Variants in CACNA2D3 observed in about 807,000 individuals in gnomAD.
CACNA2D3 encodes calcium voltage-gated channel auxiliary subunit alpha2delta 3, also known as voltage-dependent calcium channel subunit alpha-2/delta-3.
A neutral mutation model predicts 160.6 loss-of-function variants in CACNA2D3; 60 were observed. The ratio of observed to expected loss-of-function variants is 0.37; its 90% CI spans 0.30 to 0.46. The LOEUF is 0.46. CACNA2D3 is among the 20% of genes least tolerant of loss of function. The probability of loss-of-function intolerance (pLI) is 1.00; values close to 1 mark genes in which losing one functional copy is unlikely to be tolerated. For synonymous variants in CACNA2D3, 558 were observed against 492.9 expected, an observed-to-expected ratio of 1.13 and a Z score of -1.75; for missense variants, 1,205 against 1,365.0, an observed-to-expected ratio of 0.88 and a Z score of 1.85.
chr3:54,295,165 G>A (rs1703312415), intron 2 of CACNA2D3, among the ~76,000 whole-genome samples: 2 of 152,162 alleles, frequency 1.3e-5, no homozygotes, highest in Non-Finnish European at 2.9e-5. Flanking sequence ...GAGCTATGCC[G>A]AGAAGAGTTG....
At chr3:54,663,758 C>T (rs142863374) in intron 11 of CACNA2D3, among the ~76,000 whole-genome samples, 1 of 152,312 alleles carries the variant, frequency 6.6e-6, no homozygotes, top group Non-Finnish European at 1.5e-5. Flanking sequence ...TTGCCATGTG[C>T]ACACCAGTCC....
chr3:55,034,374 C>T (rs1004542455), intron 35 of CACNA2D3, among the ~76,000 whole-genome samples: 6 of 151,780 alleles, frequency 4.0e-5, no homozygotes, highest in African/African-American at 1.5e-4. Context: ...GTCCTTACTT[C>T]TCTTTGTCTC....
rs747597279 is a variant in CACNA2D3, at chr3:54,845,099, G to A, written c.1552-1294G>A. Among the ~76,000 whole-genome samples the A allele has an allele frequency of 6.2e-4, 94 of 152,320 alleles. 1 individual carries two copies. Among genetic ancestry groups the A allele is most frequent in the Non-Finnish European group, 9.1e-4 (62 of 68,028 alleles). ...TCTGGTTTATCTTTCACAGCATAAT[G>A]AAATATACTTTTATCATTAGAGTCA... On this transcript the variant is annotated intron_variant, in intron 16 of 37. Coordinates refer to ENST00000474759, the MANE Select transcript of CACNA2D3 (RefSeq NM_018398.3).
chr3:54,544,998 A>G (rs1329709512), intron 5 of CACNA2D3, among the ~76,000 whole-genome samples: 1 of 152,234 alleles, frequency 6.6e-6, no homozygotes, highest in East Asian at 1.9e-4. Flanking sequence ...TCTTGTTTCT[A>G]GTTACCTGCT....
chr3:54,736,083 GTA>G (rs1265902604), intron 11 of CACNA2D3, among the ~76,000 whole-genome samples: 1 of 34,238 alleles, frequency 2.9e-5, no homozygotes, highest in Admixed American at 3.4e-4. Context: ...ACATATATAT[GTA>G]TGTGTATATA....
rs184029300 is a variant in CACNA2D3, at chr3:54,921,849, G to C, written c.2449+21981G>C. ...TTATTGCATATATAACTAAAGTCTG[G>C]GCTAGTCTGTTATGTCGGTTAGCCT... On this transcript the variant is annotated intron_variant, in intron 27 of 37. Coordinates refer to ENST00000474759, the MANE Select transcript of CACNA2D3 (RefSeq NM_018398.3). Among the ~76,000 whole-genome samples the C allele has an allele frequency of 2.6e-5, 4 of 151,906 alleles. No individual in the cohort carries two copies. In the East Asian group the frequency reaches 7.7e-4, roughly 29 times the overall value.
intron 8 of CACNA2D3, among the ~76,000 whole-genome samples, chr3:54,573,503 C>A (rs1223225926): frequency 6.6e-6 from 1 of 152,242 alleles, no homozygotes. Context: ...GAATATTCAG[C>A]AACTCTTATT....
At chr3:54,433,241 T>A (rs1214425057) in intron 4 of CACNA2D3, among the ~76,000 whole-genome samples, 1 of 152,156 alleles carries the variant, frequency 6.6e-6, no homozygotes, top group East Asian at 1.9e-4. Context: ...AATGTCTAGG[T>A]CTCTTTCCAG....
At chr3:55,071,586 C>G (rs1176285329) in intron 35 of CACNA2D3, among the ~76,000 whole-genome samples, 1 of 152,140 alleles carries the variant, frequency 6.6e-6, no homozygotes, top group African/African-American at 2.4e-5. Flanking sequence ...ATCTTCAGTA[C>G]TCCCATTGAG....
At chr3:54,942,244 A>T (rs1466968203) in intron 27 of CACNA2D3, among the ~76,000 whole-genome samples, 1 of 152,158 alleles carries the variant, frequency 6.6e-6, no homozygotes, top group Admixed American at 6.5e-5. Flanking sequence ...GTCCCTTGAA[A>T]GTCCCAGCAT....
At chr3:54,298,705 C>T (rs1703396901) in intron 2 of CACNA2D3, among the ~76,000 whole-genome samples, 1 of 151,944 alleles carries the variant, frequency 6.6e-6, no homozygotes, top group Non-Finnish European at 1.5e-5. Context: ...ACTCAGGAGG[C>T]TGAGGTGGGG....
intron 2 of CACNA2D3, among the ~76,000 whole-genome samples, chr3:54,191,397 A>ACATCATCAT (rs10533577): frequency 0.032 from 4,855 of 150,008 alleles, 112 homozygotes; most frequent in Middle Eastern, 0.058. Flanking sequence ...TAAAACATCA[A>ACATCATCAT]CATCATCATC....
intron 27 of CACNA2D3, among the ~76,000 whole-genome samples, chr3:54,925,880 C>T (rs955642724): frequency 1.3e-5 from 2 of 152,156 alleles, no homozygotes; most frequent in African/African-American, 4.8e-5. Context: ...CCATTTTTGC[C>T]GTTGTAATTC....
At chr3:54,498,616 A>G (rs1224863609) in intron 4 of CACNA2D3, among the ~76,000 whole-genome samples, 3 of 151,648 alleles carry the variant, frequency 2.0e-5, no homozygotes, top group African/African-American at 7.3e-5. Flanking sequence ...TTTAACATTG[A>G]GTTTCATTTA....
intron 2 of CACNA2D3, among the ~76,000 whole-genome samples, chr3:54,178,144 C>T (rs576859086): frequency 1.6e-4 from 25 of 152,248 alleles, no homozygotes; most frequent in African/African-American, 5.8e-4. Context: ...CTGTCCAGAC[C>T]CTTCTCTGGA....
At chr3:54,472,344 C>T (rs978899938) in intron 4 of CACNA2D3, among the ~76,000 whole-genome samples, 1 of 152,210 alleles carries the variant, frequency 6.6e-6, no homozygotes, top group Non-Finnish European at 1.5e-5. Flanking sequence ...TAAAATTCAA[C>T]ACCCCTTCAT....
intron 13 of CACNA2D3, among the ~76,000 whole-genome samples, chr3:54,764,557 G>A (rs1702182387): frequency 6.6e-6 from 1 of 152,280 alleles, no homozygotes; most frequent in East Asian, 1.9e-4. Context: ...ACTTCAGAAA[G>A]GTAGCTGGTC....
intron 2 of CACNA2D3, among the ~76,000 whole-genome samples, chr3:54,159,269 G>T (rs183266333): frequency 6.6e-6 from 1 of 152,126 alleles, no homozygotes; most frequent in East Asian, 1.9e-4. Flanking sequence ...TATTAACGTG[G>T]TCATTTTTTT....
intron 35 of CACNA2D3, among the ~76,000 whole-genome samples, chr3:55,019,449 A>G (rs1369962792): frequency 6.6e-6 from 1 of 152,138 alleles, no homozygotes; most frequent in African/African-American, 2.4e-5. Flanking sequence ...CTTTAGTTAT[A>G]TGCCTTTTCT....
Sources: gnomAD v4.1 joint callset for allele counts (sites outside exome capture counted in the v4.1 genomes callset) on GRCh38, gnomAD v4.1.1 for gene constraint, MANE v1.5 for transcripts, NCBI Gene and HGNC (gene_info 2026-07-23, HGNC 2026-07-21) for gene names.